Variants in SMYD3 observed in about 807,000 individuals in gnomAD.
The protein encoded by SMYD3 is histone-lysine N-methyltransferase SMYD3.
In SMYD3, 36 loss-of-function variants were observed where a neutral mutation model predicts 57.7. The observed-to-expected ratio is 0.62, with a 90% CI of 0.48 to 0.82. SMYD3 has a LOEUF of 0.82. Among genes scored for constraint, SMYD3 ranks in the 40% least tolerant of loss-of-function variants. The pLI is 0.00. For missense variants in SMYD3, 515 were observed against 538.8 expected (o/e 0.96, Z 0.44); for synonymous variants, 211 against 195.0 (o/e 1.08, Z -0.68).
intron 1 of SMYD3, among the ~76,000 whole-genome samples, chr1:246,435,723 ACAAGAATTC>A (rs1183590186): frequency 1.3e-5 from 2 of 152,114 alleles, no homozygotes; most frequent in Non-Finnish European, 2.9e-5. Context: ...AGGAGAAGAT[ACAAGAATTC>A]CAAGAATTCC....
chr1:245,782,827 C>T (rs1474579422), intron 10 of SMYD3, among the ~76,000 whole-genome samples: 1 of 152,166 alleles, frequency 6.6e-6, no homozygotes. Context: ...TACCTAATGC[C>T]AGAGTCTAGG....
chr1:245,871,024 C>G (rs1210235088), intron 8 of SMYD3, among the ~76,000 whole-genome samples: 1 of 152,108 alleles, frequency 6.6e-6, no homozygotes, highest in Non-Finnish European at 1.5e-5. Flanking sequence ...CTCATGCAAA[C>G]TCTAATTAGA....
chr1:246,400,316 T>C (rs933084707), intron 1 of SMYD3, among the ~76,000 whole-genome samples: 6 of 152,270 alleles, frequency 3.9e-5, no homozygotes, highest in Non-Finnish European at 8.8e-5. Flanking sequence ...TGAAACAGTA[T>C]ATTAAGTGCC....
chr1:245,828,860 G>A (rs574821327), intron 10 of SMYD3, among the ~76,000 whole-genome samples: 5 of 152,110 alleles, frequency 3.3e-5, no homozygotes, highest in African/African-American at 7.2e-5. Flanking sequence ...GAGCCCCCAC[G>A]CCCAGCTAAT....
intron 5 of SMYD3, among the ~76,000 whole-genome samples, chr1:246,214,367 AC>A (rs1193736466): frequency 2.0e-4 from 30 of 152,296 alleles, no homozygotes; most frequent in Admixed American, 5.9e-4. Context: ...GGAATGGTAA[AC>A]CAAGCATGGC....
intron 5 of SMYD3, among the ~76,000 whole-genome samples, chr1:246,142,297 C>T (rs2061769606): frequency 6.6e-6 from 1 of 152,184 alleles, no homozygotes; most frequent in Admixed American, 6.5e-5. Flanking sequence ...ATATACTATT[C>T]ACAGTCTCAT....
chr1:245,750,398 G>C (rs1006460915), intron 11 of SMYD3, among the ~76,000 whole-genome samples: 10 of 152,194 alleles, frequency 6.6e-5, no homozygotes, highest in African/African-American at 2.4e-4. Context: ...CTGGCTGGCA[G>C]TCTTAGCCAA....
chr1:246,498,471 C>T (rs1433523583), intron 1 of SMYD3, among the ~76,000 whole-genome samples: 3 of 152,162 alleles, frequency 2.0e-5, no homozygotes, highest in East Asian at 1.9e-4. Flanking sequence ...CAGTGGCTCA[C>T]GCCTGTAATC....
At chr1:246,050,556 G>C (rs1162352619) in intron 5 of SMYD3, among the ~76,000 whole-genome samples, 1 of 152,140 alleles carries the variant, frequency 6.6e-6, no homozygotes, top group African/African-American at 2.4e-5. Flanking sequence ...TAAATGGTGA[G>C]GTCATAAAAA....
chr1:246,315,410 A>G (rs1022445210), intron 5 of SMYD3, among the ~76,000 whole-genome samples: 3 of 152,198 alleles, frequency 2.0e-5, no homozygotes, highest in African/African-American at 7.2e-5. Flanking sequence ...AACCTTAAGA[A>G]TAAGCAGGAC....
rs539723266 is a variant in SMYD3, at chr1:245,938,642, C to T, written c.532-8705G>A. Among the ~76,000 whole-genome samples the T allele has an allele frequency of 2.7e-4, 41 of 152,320 alleles. No homozygotes were observed. The South Asian group carries it at 8.1e-3, about 30-fold the overall frequency. ...GAAGTAGCTCATAATTCTTCCCCTT[C>T]TTCTTCCAGACACTTTTATAGATGG... On this transcript the variant is annotated intron_variant, in intron 5 of 11. Coordinates refer to ENST00000490107, the MANE Select transcript of SMYD3 (RefSeq NM_001167740.2).
At chr1:246,347,952 T>C (rs532145130) in intron 2 of SMYD3, among the ~76,000 whole-genome samples, 1 of 151,630 alleles carries the variant, frequency 6.6e-6, no homozygotes, top group South Asian at 2.1e-4. Context: ...TAAGTCATTC[T>C]ACCAAAAAGA....
chr1:246,084,145 C>A (rs1485738297), intron 5 of SMYD3, among the ~76,000 whole-genome samples: 1 of 150,484 alleles, frequency 6.6e-6, no homozygotes. Context: ...AAGATAGCCC[C>A]AAAGACAACA....
chr1:246,387,864 A>G, intron 1 of SMYD3, among the ~76,000 whole-genome samples: 1 of 123,010 alleles, frequency 8.1e-6, no homozygotes, highest in Non-Finnish European at 1.7e-5. Context: ...AATCACCTCG[A>G]GGTTGAAGTC....
intron 5 of SMYD3, chr1:246,096,257 A>G (rs2060912920): frequency 6.6e-6 from 1 of 152,222 alleles, no homozygotes; most frequent in Non-Finnish European, 1.5e-5. Flanking sequence ...TTCTTAGCTG[A>G]AGTGTCTAGA....
chr1:246,044,714 T>C (rs2059932783), intron 5 of SMYD3, among the ~76,000 whole-genome samples: 2 of 152,162 alleles, frequency 1.3e-5, no homozygotes, highest in Admixed American at 6.5e-5. Context: ...TCAATAAATA[T>C]GTCTGTTAAA....
At chr1:245,893,032 A>G (rs2053491650) in intron 8 of SMYD3, among the ~76,000 whole-genome samples, 1 of 152,248 alleles carries the variant, frequency 6.6e-6, no homozygotes, top group African/African-American at 2.4e-5. Flanking sequence ...CAGTAAGAAA[A>G]CACCCAATTT....
At chr1:246,402,024 A>G (rs1312589100) in intron 1 of SMYD3, among the ~76,000 whole-genome samples, 1 of 152,192 alleles carries the variant, frequency 6.6e-6, no homozygotes, top group African/African-American at 2.4e-5. Context: ...GCCTGGCCTC[A>G]AATACTATTT....
chr1:246,442,974 G>A (rs1305315935), intron 1 of SMYD3, among the ~76,000 whole-genome samples: 1 of 151,962 alleles, frequency 6.6e-6, no homozygotes, highest in Admixed American at 6.6e-5. Flanking sequence ...AGTGCACCAG[G>A]CTCCCAACTT....
Sources: gnomAD v4.1 joint callset for allele counts (sites outside exome capture counted in the v4.1 genomes callset) on GRCh38, gnomAD v4.1.1 for gene constraint, MANE v1.5 for transcripts, NCBI Gene and HGNC (gene_info 2026-07-23, HGNC 2026-07-21) for gene names.